HSD17B2: variants seen among roughly 807,000 people sequenced by gnomAD.
HSD17B2 encodes 17-beta-hydroxysteroid dehydrogenase type 2.
Under a neutral mutation model 26.9 loss-of-function variants are expected in HSD17B2, and 32 were observed. That is an observed-to-expected ratio of 1.19 (90% CI 0.90 to 1.60). HSD17B2 has a LOEUF of 1.60. Among genes scored for constraint, HSD17B2 ranks in the 40% most tolerant of loss-of-function variants. HSD17B2 has a pLI of 0.00. For missense variants in HSD17B2, 613 were observed against 468.6 expected, an observed-to-expected ratio of 1.31 and a Z score of -2.85; for synonymous variants, 246 against 186.7, an observed-to-expected ratio of 1.32 and a Z score of -2.59.
chr16:82,068,137 G>T, intron 1 of HSD17B2, 33 bp from the exon 2 acceptor site: 2 of 1,578,092 alleles, frequency 1.3e-6, no homozygotes, highest in South Asian at 2.2e-5. Context: ...ACTCTGGTTT[G>T]ACCTCACTCC....
At chr16:82,068,120 T>C (rs767369278) in intron 1 of HSD17B2, 50 bp from the exon 2 acceptor site, 1 of 1,448,952 alleles carries the variant, frequency 6.9e-7, no homozygotes, top group Non-Finnish European at 9.7e-7. Context: ...AAATATTTTC[T>C]CCTGTCACTC....
At chr16:82,079,899 T>G (rs1044471854) in intron 3 of HSD17B2, among the ~76,000 whole-genome samples, 8 of 152,220 alleles carry the variant, frequency 5.3e-5, no homozygotes, top group African/African-American at 1.9e-4. Context: ...CATGCTTATC[T>G]GGGAGTTCAT....
At chr16:82,046,552 A>G (rs960621647) in intron 1 of HSD17B2, among the ~76,000 whole-genome samples, 1 of 152,150 alleles carries the variant, frequency 6.6e-6, no homozygotes, top group African/African-American at 2.4e-5. Context: ...GTAAAACCCC[A>G]TATCTACCAA....
intron 1 of HSD17B2, among the ~76,000 whole-genome samples, chr16:82,040,633 G>A (rs985286909): frequency 3.9e-5 from 6 of 152,152 alleles, no homozygotes; most frequent in Non-Finnish European, 7.4e-5. Flanking sequence ...TCTGTTATGT[G>A]CCCATGACTC....
In HSD17B2 at chr16:82,035,525, T is replaced by C; in HGVS notation, c.101T>C (p.Leu34Pro). 1.2e-6 allele frequency: 2 copies of C among 1,614,206 alleles called. No individual in the cohort carries two copies. Among genetic ancestry groups the C allele is most frequent in the Non-Finnish European group, 1.7e-6 (2 of 1,180,040 alleles). The change falls in exon 1 of 5, where the codon CTG (leucine) becomes CCG (proline). Residue 34 changes from leucine (L) to proline (P), a missense_variant. Physicochemically the swap from Leu to Pro is moderately conservative, Grantham distance 98. Transcript: ENST00000199936. Reference protein sequence around the residue: ...FCKYKKSSGQLWSWMVCLAGL... With the variant: ...FCKYKKSSGQPWSWMVCLAGL... ...AAATACAAGAAGAGCTCAGGGCAGC[T>C]GTGGAGCTGGATGGTCTGCCTGGCA...
chr16:82,035,750 C>G (rs942808752), intron 1 of HSD17B2, 61 bp downstream of exon 1: 3 of 1,533,398 alleles, frequency 2.0e-6, no homozygotes, highest in Admixed American at 3.7e-5. Flanking sequence ...TTTGCCTTAG[C>G]AGGACTTTGT....
At position 82,068,330 on chromosome 16, in the gene HSD17B2, A is replaced by C; in HGVS notation, c.426A>C (p.Pro142=). The C allele has an allele frequency of 1.9e-6, 3 of 1,614,002 alleles. No individual in the cohort carries two copies. The highest frequency in any genetic ancestry group is 1.3e-5 in the African/African-American group (1 of 75,068). ...LSVLQMDITK[P]VQIKDAYSKV... ...TGCTCCAAATGGACATCACGAAGCC[A>C]GTGCAGATAAAAGATGCTTACAGCA... Residue 142 remains proline (P), a synonymous_variant, in exon 2 of 5, where the codon CCA becomes CCC. Coordinates refer to ENST00000199936, the MANE Select transcript of HSD17B2 (RefSeq NM_002153.3).
In HSD17B2 at chr16:82,056,119, T is replaced by C. The variant is rs147244462; in HGVS notation, c.266-12051T>C. ...TATATTTTGGAAGCGGCTGAGTGAG[T>C]TTTTGGTCATGTGTTGGCAAGAATG... On this transcript the variant is annotated intron_variant, in intron 1 of 4. Transcript: ENST00000199936. 4.9e-3 allele frequency among the ~76,000 whole-genome samples: 747 copies of C among 152,192 alleles called. 9 individuals carry two copies. Among genetic ancestry groups the C allele is most frequent in the African/African-American group, 0.017 (697 of 41,530 alleles).
chr16:82,065,404 C>A (rs1040741246), intron 1 of HSD17B2, among the ~76,000 whole-genome samples: 1 of 152,154 alleles, frequency 6.6e-6, no homozygotes, highest in Admixed American at 6.5e-5. Flanking sequence ...GAACAGTTTT[C>A]TTCTCTGTGC....
chr16:82,076,945 G>T (rs944414319), intron 3 of HSD17B2, among the ~76,000 whole-genome samples: 3 of 152,098 alleles, frequency 2.0e-5, no homozygotes, highest in Non-Finnish European at 4.4e-5. Context: ...AAATACCTGG[G>T]AATTAACCTA....
At chr16:82,098,033 G>A in intron 4 of HSD17B2, 42 bp from the exon 5 acceptor site, 1 of 1,569,126 alleles carries the variant, frequency 6.4e-7, no homozygotes, top group African/African-American at 1.4e-5. Flanking sequence ...TGACTTCCTT[G>A]GCCTTCCCAG....
At chr16:82,042,035 C>T (rs901610585) in intron 1 of HSD17B2, among the ~76,000 whole-genome samples, 1 of 151,062 alleles carries the variant, frequency 6.6e-6, no homozygotes, top group Non-Finnish European at 1.5e-5. Flanking sequence ...CAGAGTCTCG[C>T]TCTGTCACCC....
At chr16:82,086,586 C>T (rs999017765) in intron 3 of HSD17B2, among the ~76,000 whole-genome samples, 1 of 152,122 alleles carries the variant, frequency 6.6e-6, no homozygotes, top group Non-Finnish European at 1.5e-5. Context: ...CAGAGGCATT[C>T]GGGGGAATAT....
chr16:82,081,177 T>C (rs1904369122), intron 3 of HSD17B2, among the ~76,000 whole-genome samples: 2 of 152,212 alleles, frequency 1.3e-5, no homozygotes, highest in Admixed American at 6.5e-5. Flanking sequence ...GCAAGAGGTG[T>C]GCAGAATAGA....
rs62046329 is a variant in HSD17B2 at position 82,090,725 on chromosome 16, T to A, written c.665-177T>A. 6.1e-3 allele frequency among the ~76,000 whole-genome samples: 928 copies of A among 152,302 alleles called. 4 individuals are homozygous for A. Among genetic ancestry groups the A allele is most frequent in the Non-Finnish European group, 9.2e-3 (626 of 68,022 alleles). ...CAAAGAAGGCAGAAGCAAATGAAGCTACACTGTGGGAATGAGCAAGAACAT... is the reference window on the plus strand; with the variant it reads ...CAAAGAAGGCAGAAGCAAATGAAGCAACACTGTGGGAATGAGCAAGAACAT... On this transcript the variant is annotated intron_variant, in intron 3 of 4. Coordinates refer to ENST00000199936, the MANE Select transcript of HSD17B2 (RefSeq NM_002153.3).
intron 1 of HSD17B2, among the ~76,000 whole-genome samples, chr16:82,067,718 C>T (rs750013790): frequency 2.0e-5 from 3 of 152,148 alleles, no homozygotes; most frequent in Non-Finnish European, 4.4e-5. Flanking sequence ...CTGTTATTGC[C>T]CTGTGTCTCC....
chr16:82,084,445 G>A (rs1002298238), intron 3 of HSD17B2, among the ~76,000 whole-genome samples: 5 of 152,146 alleles, frequency 3.3e-5, no homozygotes, highest in African/African-American at 1.2e-4. Context: ...CATGGGTTTT[G>A]AGTGCTTAGC....
chr16:82,050,154 T>C (rs1914062628), intron 1 of HSD17B2, among the ~76,000 whole-genome samples: 1 of 152,240 alleles, frequency 6.6e-6, no homozygotes, highest in Non-Finnish European at 1.5e-5. Flanking sequence ...CCTTATGTAC[T>C]CAGTTCCACT....
chr16:82,068,722 C>G (rs1269374909), intron 2 of HSD17B2, among the ~76,000 whole-genome samples: 1 of 152,122 alleles, frequency 6.6e-6, no homozygotes, highest in South Asian at 2.1e-4. Flanking sequence ...AAAAAAAATA[C>G]CTTCATGGTC....
Sources: allele counts gnomAD v4.1 joint callset (sites outside exome capture counted in the v4.1 genomes callset), GRCh38; gene constraint gnomAD v4.1.1; transcripts MANE v1.5; gene names NCBI Gene and HGNC (gene_info 2026-07-23, HGNC 2026-07-21).